PIK3R6: variants seen among roughly 807,000 people sequenced by gnomAD.
PIK3R6 encodes phosphoinositide 3-kinase regulatory subunit 6.
Under a neutral mutation model 84.9 loss-of-function variants are expected in PIK3R6, and 91 were observed. The observed-to-expected ratio is 1.07, with a 90% CI of 0.90 to 1.28. PIK3R6 has a LOEUF of 1.28. PIK3R6 is among the 50% of genes most tolerant of loss of function. The pLI, the probability that PIK3R6 is intolerant of heterozygous loss-of-function variation, is 0.00. For missense variants in PIK3R6, 996 were observed against 985.1 expected, an observed-to-expected ratio of 1.01 and a Z score of -0.15; for synonymous variants, 416 against 411.4, an observed-to-expected ratio of 1.01 and a Z score of -0.13.
intron 15 of PIK3R6, 74 bp downstream of exon 15, chr17:8,822,922 T>G: frequency 2.2e-5 from 27 of 1,249,438 alleles, no homozygotes; most frequent in Non-Finnish European, 3.1e-5. Flanking sequence ...CATCATCAGG[T>G]GAGAGGTGGA....
chr17:8,832,546 C>T (rs2088282037), intron 9 of PIK3R6, among the ~76,000 whole-genome samples: 1 of 112,638 alleles, frequency 8.9e-6, no homozygotes, highest in Non-Finnish European at 1.9e-5. Context: ...CCACGCCCAG[C>T]TGATTTTTTT....
At position 8,844,295 on chromosome 17, in the gene PIK3R6, C is replaced by G. The variant is rs977629140; in HGVS notation, c.14-4598G>C. ...GAGACGACAGACTTTTCCCACTACC[C>G]AGACTTTATAAACCCTGAGCTTCTC... is the stretch of plus-strand genomic sequence containing the variant. On this transcript the variant is annotated intron_variant, in intron 2 of 19. Coordinates refer to ENST00000619866, the MANE Select transcript of PIK3R6 (RefSeq NM_001010855.4). The surrounding 1 kb of genome is among the most constrained non-coding windows in gnomAD (Gnocchi z 4.5). Among the ~76,000 whole-genome samples the G allele has an allele frequency of 6.6e-6, 1 of 152,226 alleles. No homozygotes were observed. Among genetic ancestry groups the G allele is most frequent in the African/African-American group, 2.4e-5 (1 of 41,452 alleles).
rs1330157508 is a variant in PIK3R6 at position 8,838,485 on chromosome 17, T to TGCCAG, written c.189+74_189+78dup. On this transcript the variant is annotated intron_variant, in intron 4 of 19. Transcript: ENST00000619866. Reference sequence around the variant, plus strand: ...AACCAAAGCTTATGAGATATAGCGCTGCCAGGACTGAGCCCCTGCCCAATT... The same window carrying TGCCAG: ...AACCAAAGCTTATGAGATATAGCGCTGCCAGGCCAGGACTGAGCCCCTGCCCAATT... The TGCCAG allele has an allele frequency of 9.9e-6, 13 of 1,319,542 alleles. No individual in the cohort carries two copies. The South Asian group carries it at 1.5e-4, about 16-fold the overall frequency. 81.7% of individuals were successfully genotyped at this position (1,319,542 alleles called of 1,614,324 possible).
At chr17:8,819,893 TA>T (rs1567573952) in intron 17 of PIK3R6, among the ~76,000 whole-genome samples, 11 of 146,714 alleles carry the variant, frequency 7.5e-5, no homozygotes, top group African/African-American at 2.7e-4. Flanking sequence ...CACACACGTA[TA>T]TATGTGTATA....
At chr17:8,837,289 T>C (rs1022246891) in intron 5 of PIK3R6, among the ~76,000 whole-genome samples, 4 of 152,086 alleles carry the variant, frequency 2.6e-5, no homozygotes, top group African/African-American at 4.8e-5. Flanking sequence ...CCTTTGCTCC[T>C]CCTTGCATCC....
intron 1 of PIK3R6, among the ~76,000 whole-genome samples, chr17:8,861,548 G>A (rs930533436): frequency 2.5e-4 from 38 of 152,180 alleles, no homozygotes; most frequent in African/African-American, 7.5e-4. Flanking sequence ...ACCTCTCACC[G>A]TTCTGGTCTG....
At chr17:8,838,068 T>C (rs2088543237) in intron 4 of PIK3R6, among the ~76,000 whole-genome samples, 197 bp from the exon 5 acceptor site, 1 of 151,658 alleles carries the variant, frequency 6.6e-6, no homozygotes, top group African/African-American at 2.4e-5. Context: ...AGTGAGGGTG[T>C]GGGAGCGTGG....
chr17:8,841,559 C>T (rs751536781), intron 2 of PIK3R6, among the ~76,000 whole-genome samples: 2 of 152,210 alleles, frequency 1.3e-5, no homozygotes, highest in Non-Finnish European at 2.9e-5. Flanking sequence ...TGCTCATTGG[C>T]TATAAATCCC....
Position 8,839,396 on chromosome 17 carries a change from A to G in PIK3R6, c.97+218T>C, listed in dbSNP as rs888245163. Among the ~76,000 whole-genome samples, 10 of 152,108 alleles carry G rather than the reference A, an allele frequency of 6.6e-5. No homozygotes were observed. The South Asian group carries it at 1.2e-3, about 19-fold the overall frequency. ...AAAGAAAAAGGGTGGCAGATCCCCA[A>G]TGTGCTCTGTGGCAGTTGCTGGGAG... On this transcript the variant is annotated intron_variant, in intron 3 of 19. Coordinates refer to ENST00000619866, the MANE Select transcript of PIK3R6 (RefSeq NM_001010855.4). The surrounding 1 kb of genome is among the most constrained non-coding windows in gnomAD (Gnocchi z 4.2).
At chr17:8,836,759 C>A in intron 6 of PIK3R6, 32 bp downstream of exon 6, 7 of 1,610,790 alleles carry the variant, frequency 4.3e-6, no homozygotes, top group Non-Finnish European at 5.1e-6. Context: ...GGAGGTGCAG[C>A]GTGGGAGACA....
At chr17:8,819,757 CGTATATAT>C (rs1567573716) in intron 17 of PIK3R6, among the ~76,000 whole-genome samples, 1 of 145,136 alleles carries the variant, frequency 6.9e-6, no homozygotes, top group African/African-American at 2.5e-5. Flanking sequence ...TACATACACA[CGTATATAT>C]GTATATATAC....
intron 1 of PIK3R6, among the ~76,000 whole-genome samples, chr17:8,863,772 A>T (rs1440293300): frequency 6.6e-6 from 1 of 152,136 alleles, no homozygotes; most frequent in African/African-American, 2.4e-5. Context: ...TGACCTCGTG[A>T]TCCACCCGCC....
rs751721622 is a variant in PIK3R6, at chr17:8,836,926, GGGTGAGAGGGAGGAGGGGGA to G, written c.259-23_259-4del. The G allele has an allele frequency of 1.5e-5, 23 of 1,550,586 alleles. No homozygotes were observed. The highest frequency in any genetic ancestry group is 2.4e-5 in the East Asian group (1 of 40,896). Reference sequence around the variant, plus strand: ...AGCTCTTCTGTGATTCCTGTGGCCTGGGTGAGAGGGAGGAGGGGGAGGTGAGAGGGAGGAGGTGGAGGTAA... The same window carrying G: ...AGCTCTTCTGTGATTCCTGTGGCCTGGGTGAGAGGGAGGAGGTGGAGGTAA... On this transcript the variant is annotated splice_region_variant and splice_polypyrimidine_tract_variant and intron_variant, in intron 5 of 19. Coordinates refer to ENST00000619866, the MANE Select transcript of PIK3R6 (RefSeq NM_001010855.4).
Position 8,803,817 on chromosome 17 carries a change from A to G in PIK3R6, c.2108+224T>C, listed in dbSNP as rs556591704. The G allele has an allele frequency of 2.5e-5, 15 of 591,470 alleles. No individual in the cohort carries two copies. The highest frequency in any genetic ancestry group is 2.0e-4 in the East Asian group (7 of 35,584). The allele number at this position is 591,470 out of a possible 1,614,324, so 36.6% of individuals were successfully genotyped here. A position where few individuals can be genotyped will look rare whatever the true frequency, so the allele number is the denominator to read the frequency against. On this transcript the variant is annotated intron_variant, in intron 19 of 19. Transcript: ENST00000619866. This position sits in a 1 kb window ranked among gnomAD's most constrained non-coding sequence, Gnocchi z 5.0. ...TGCAGAGGCATCTGGGGAAAATGCA[A>G]TATCAGCTGCTGCCCTGGGTATGCC... is the stretch of plus-strand genomic sequence containing the variant.
chr17:8,855,144 G>A (rs1168783458), intron 1 of PIK3R6, among the ~76,000 whole-genome samples: 2 of 152,048 alleles, frequency 1.3e-5, no homozygotes, highest in Admixed American at 1.3e-4. Flanking sequence ...AGTGAGCTGA[G>A]ATCGTGCCAC....
At chr17:8,831,094 G>A (rs1236622852) in intron 9 of PIK3R6, among the ~76,000 whole-genome samples, 1 of 146,826 alleles carries the variant, frequency 6.8e-6, no homozygotes, top group Non-Finnish European at 1.5e-5. Flanking sequence ...TGCAGTGAGC[G>A]GAGATTGAGC....
chr17:8,835,176 C>A, intron 8 of PIK3R6, 97 bp downstream of exon 8: 1 of 1,243,046 alleles, frequency 8.0e-7, no homozygotes, highest in Non-Finnish European at 1.1e-6. Flanking sequence ...AAAGGTGATG[C>A]GAAACAGGAG....
At position 8,822,654 on chromosome 17, in the gene PIK3R6, C is replaced by T. The variant is rs372588477; in HGVS notation, c.1721G>A (p.Gly574Asp). The change falls in exon 16 of 20, where the codon GGC becomes GAC. Residue 574 changes from glycine (G) to aspartate (D), a missense_variant. By Grantham distance (94) the Gly-to-Asp change is moderately conservative (BLOSUM62 -1). Coordinates refer to ENST00000619866, the MANE Select transcript of PIK3R6 (RefSeq NM_001010855.4). ...KIQDSKFPKD[G>D]FSPRRRGVAE... ...CACGCCTCTCCTCCTGGGTGAAAAGCCATCTGTGGGGAGATGAGAAGAGGC... is the reference window on the plus strand; with the variant it reads ...CACGCCTCTCCTCCTGGGTGAAAAGTCATCTGTGGGGAGATGAGAAGAGGC... The T allele has an allele frequency of 1.2e-6, 2 of 1,613,962 alleles. No individual in the cohort carries two copies. Among genetic ancestry groups the T allele is most frequent in the Non-Finnish European group, 1.7e-6 (2 of 1,179,848 alleles).
intron 18 of PIK3R6, among the ~76,000 whole-genome samples, chr17:8,815,279 A>C (rs1360552250): frequency 1.3e-5 from 2 of 152,178 alleles, no homozygotes; most frequent in Non-Finnish European, 2.9e-5. Context: ...AGGCCAAGGC[A>C]GGCGGACCAC....
Sources: gnomAD v4.1 joint callset for allele counts (sites outside exome capture counted in the v4.1 genomes callset) on GRCh38, gnomAD v4.1.1 for gene constraint, Gnocchi (gnomAD v3.1) non-coding constraint, MANE v1.5 for transcripts, NCBI Gene and HGNC (gene_info 2026-07-23, HGNC 2026-07-21) for gene names.